Variants in ASIP observed in about 807,000 individuals in gnomAD.
ASIP encodes the protein agouti-signaling protein.
A neutral mutation model predicts 10.3 loss-of-function variants in ASIP; 11 were observed. The observed-to-expected ratio is 1.07, with a 90% CI of 0.68 to 1.78. The LOEUF (loss-of-function observed/expected upper bound fraction) is 1.78, where lower values mean the gene tolerates loss of function less well. Among genes scored for constraint, ASIP ranks in the 40% most tolerant of loss-of-function variants. The pLI is 0.00. For synonymous variants in ASIP, 70 were observed against 70.8 expected (o/e 0.99, Z 0.06); for missense variants, 180 against 169.2 (o/e 1.06, Z -0.35).
intron 3 of ASIP, among the ~76,000 whole-genome samples, chr20:34,268,284 C>G (rs2035822463): frequency 6.6e-6 from 1 of 152,154 alleles, no homozygotes. Context: ...AAGACAGCTC[C>G]TGCTGGGTTC....
At chr20:34,207,547 C>T (rs1393392477) in intron 1 of ASIP, among the ~76,000 whole-genome samples, 3 of 152,002 alleles carry the variant, frequency 2.0e-5, no homozygotes, top group Admixed American at 6.6e-5. Flanking sequence ...CGCATTTGTC[C>T]ATTTTTGCTT....
intron 1 of ASIP, chr20:34,234,737 CCAG>C (rs1402211603): frequency 1.3e-5 from 2 of 152,078 alleles, no homozygotes; most frequent in Non-Finnish European, 2.9e-5. Flanking sequence ...TCATTTGAAC[CCAG>C]GAGGCAGAGG....
intron 1 of ASIP, among the ~76,000 whole-genome samples, chr20:34,249,821 T>C (rs2035444608): frequency 6.6e-6 from 1 of 152,176 alleles, no homozygotes; most frequent in African/African-American, 2.4e-5. Context: ...AGAGAACCCA[T>C]TATGGACCCA....
chr20:34,196,287 C>G (rs2034856523), intron 1 of ASIP, among the ~76,000 whole-genome samples: 1 of 143,930 alleles, frequency 6.9e-6, no homozygotes, highest in Non-Finnish European at 1.5e-5. Context: ...TCACGCCATT[C>G]TCCTGCCTCA....
At chr20:34,244,402 C>T (rs1420210518) in intron 1 of ASIP, among the ~76,000 whole-genome samples, 1 of 152,088 alleles carries the variant, frequency 6.6e-6, no homozygotes, top group Non-Finnish European at 1.5e-5. Context: ...AGAATAAGAA[C>T]CTCTAGCCTC....
chr20:34,253,933 G>T (rs2035526108), intron 1 of ASIP, among the ~76,000 whole-genome samples: 1 of 152,206 alleles, frequency 6.6e-6, no homozygotes, highest in Non-Finnish European at 1.5e-5. Context: ...TTTAAAAGGA[G>T]AACTGTCATC....
intron 1 of ASIP, among the ~76,000 whole-genome samples, chr20:34,233,111 T>C (rs1175755921): frequency 6.6e-6 from 1 of 150,494 alleles, no homozygotes; most frequent in Non-Finnish European, 1.5e-5. Flanking sequence ...ACATTTTTCA[T>C]CTGGAAGAGT....
chr20:34,245,679 A>G (rs1175057958), intron 1 of ASIP, among the ~76,000 whole-genome samples: 3 of 151,916 alleles, frequency 2.0e-5, no homozygotes, highest in Non-Finnish European at 4.4e-5. Flanking sequence ...GTGAGCCACC[A>G]CGCCCAGCAA....
chr20:34,214,457 T>C, intron 1 of ASIP: 1 of 1,515,060 alleles, frequency 6.6e-7, no homozygotes, highest in Non-Finnish European at 9.2e-7. Context: ...AAACATCACC[T>C]GAGAAGTGAG....
At chr20:34,226,569 G>A (rs923198110) in intron 1 of ASIP, among the ~76,000 whole-genome samples, 3 of 151,912 alleles carry the variant, frequency 2.0e-5, no homozygotes, top group African/African-American at 7.3e-5. Flanking sequence ...GGCCAGACTG[G>A]TCTCAAACTC....
At chr20:34,219,589 C>G (rs2035031719) in intron 1 of ASIP, among the ~76,000 whole-genome samples, 1 of 152,192 alleles carries the variant, frequency 6.6e-6, no homozygotes, top group Non-Finnish European at 1.5e-5. Context: ...TACTCTTTCT[C>G]TCTCATAGTG....
At chr20:34,214,397 T>A (rs1175181547) in intron 1 of ASIP, 1 of 1,375,584 alleles carries the variant, frequency 7.3e-7, no homozygotes, top group African/African-American at 1.4e-5. Context: ...AGGAACTGAC[T>A]CCTGATGTTA....
chr20:34,197,268 G>A (rs1259907236), intron 1 of ASIP, among the ~76,000 whole-genome samples: 1 of 152,172 alleles, frequency 6.6e-6, no homozygotes, highest in Non-Finnish European at 1.5e-5. Context: ...GGCTGAGGCA[G>A]GAGAATTGCT....
chr20:34,201,017 C>CTTCCTTCTTTCTTTCTTTCTTTCTTTCT (rs751841818), intron 1 of ASIP, among the ~76,000 whole-genome samples: 17 of 63,388 alleles, frequency 2.7e-4, no homozygotes, highest in Non-Finnish European at 4.3e-4. Context: ...TCCTTCCTTC[C>CTTCCTTCTTTCTTTCTTTCTTTCTTTCT]TTCTTTCTTT....
chr20:34,215,727 A>G (rs1185740735), intron 1 of ASIP: 12 of 1,456,684 alleles, frequency 8.2e-6, no homozygotes, highest in Non-Finnish European at 1.2e-5. Flanking sequence ...ACTTGAAAGC[A>G]GAAAAACTTT....
intron 1 of ASIP, among the ~76,000 whole-genome samples, chr20:34,221,145 G>A (rs967690804): frequency 6.6e-6 from 1 of 151,844 alleles, no homozygotes; most frequent in Non-Finnish European, 1.5e-5. Context: ...TTGGGAGGCT[G>A]AGGCGGGTGG....
chr20:34,258,686 T>TATATATATATATATATATATATATATAC (rs1245411344), intron 1 of ASIP, among the ~76,000 whole-genome samples: 2 of 72,350 alleles, frequency 2.8e-5, no homozygotes, highest in South Asian at 3.6e-4. Context: ...TATATATATA[T>TATATATATATATATATATATATATATAC]ATATACATAC....
In ASIP at chr20:34,266,155, C is replaced by G. The variant is rs2035780806; in HGVS notation, c.223-2836C>G. ...GACCACAAGGTCAGGAGATCAAGAC[C>G]ATCCTGGCTAACACGGAGAAACCCC... On this transcript the variant is annotated intron_variant, in intron 3 of 3. Coordinates refer to ENST00000374954, the MANE Select transcript of ASIP (RefSeq NM_001672.3). Among the ~76,000 whole-genome samples the G allele has an allele frequency of 2.0e-5, 3 of 150,394 alleles. No individual in the cohort carries two copies. The Admixed American group carries it at 2.0e-4, about 10-fold the overall frequency.
intron 1 of ASIP, among the ~76,000 whole-genome samples, chr20:34,235,676 C>T (rs1025564121): frequency 2.0e-5 from 3 of 151,086 alleles, no homozygotes; most frequent in Admixed American, 6.6e-5. Context: ...CCCTACTACT[C>T]AGGAGGCAGG....
Sources: gnomAD v4.1 joint callset for allele counts (sites outside exome capture counted in the v4.1 genomes callset) on GRCh38, gnomAD v4.1.1 for gene constraint, MANE v1.5 for transcripts, NCBI Gene and HGNC (gene_info 2026-07-23, HGNC 2026-07-21) for gene names.